VPS53: variants seen among roughly 807,000 people sequenced by gnomAD.
VPS53 encodes VPS53 subunit of GARP complex, also known as vacuolar protein sorting-associated protein 53 homolog.
In VPS53, 70 loss-of-function variants were observed where a neutral mutation model predicts 107.0. The observed-to-expected ratio is 0.65, with a 90% CI of 0.54 to 0.80. VPS53 has a LOEUF of 0.80. Among genes scored for constraint, VPS53 ranks in the 30% least tolerant of loss-of-function variants. The pLI is 0.00. For synonymous variants in VPS53, 409 were observed against 393.3 expected, an observed-to-expected ratio of 1.04 and a Z score of -0.47; for missense variants, 917 against 1,049.4, an observed-to-expected ratio of 0.87 and a Z score of 1.74.
At chr17:662,865 G>C (rs200373714) in intron 4 of VPS53, among the ~76,000 whole-genome samples, 165 of 82,720 alleles carry the variant, frequency 2.0e-3, no homozygotes, top group Middle Eastern at 0.016. Flanking sequence ...AAGGAAGGAA[G>C]GAAGGAACGA....
intron 4 of VPS53, among the ~76,000 whole-genome samples, chr17:694,015 G>C (rs1972862539): frequency 6.6e-6 from 1 of 152,114 alleles, no homozygotes; most frequent in East Asian, 1.9e-4. Flanking sequence ...AGCCAGCCAG[G>C]GCTGGAGAGC....
chr17:573,659 A>G (rs1438961999), intron 13 of VPS53, among the ~76,000 whole-genome samples: 1 of 152,152 alleles, frequency 6.6e-6, no homozygotes. Flanking sequence ...CCTCCTCGCC[A>G]CAAAGTCCAT....
chr17:701,544 A>ATT (rs1973202378), intron 2 of VPS53, among the ~76,000 whole-genome samples: 1 of 151,656 alleles, frequency 6.6e-6, no homozygotes, highest in African/African-American at 2.4e-5. Flanking sequence ...CGCCCAGCTA[A>ATT]TTTTTGTATT....
intron 17 of VPS53, among the ~76,000 whole-genome samples, chr17:549,434 C>T (rs1338786705): frequency 6.6e-6 from 1 of 152,002 alleles, no homozygotes; most frequent in African/African-American, 2.4e-5. Flanking sequence ...ACTCTGGAGG[C>T]ACGGTCTCTG....
At chr17:675,415 G>A (rs1161883406) in intron 4 of VPS53, 1 of 152,200 alleles carries the variant, frequency 6.6e-6, no homozygotes, top group Non-Finnish European at 1.5e-5. Flanking sequence ...AATTCGGTCT[G>A]AGATGGGGTA....
chr17:670,789 G>A (rs1971901699), intron 4 of VPS53, among the ~76,000 whole-genome samples: 1 of 152,168 alleles, frequency 6.6e-6, no homozygotes, highest in Non-Finnish European at 1.5e-5. Flanking sequence ...CCGAAGAGCT[G>A]GTATGGCTTT....
At chr17:617,775 CCGGG>C (rs1438725289) in intron 11 of VPS53, among the ~76,000 whole-genome samples, 30 of 146,912 alleles carry the variant, frequency 2.0e-4, no homozygotes, top group South Asian at 4.4e-4. Context: ...CTAATATTTC[CCGGG>C]TAGCTGGGAC....
At position 511,189 on chromosome 17, in the gene VPS53, A is replaced by T. The variant is rs1204217309; in HGVS notation, c.*7939T>A. On this transcript the variant is annotated 3_prime_UTR_variant, in exon 22 of 22. Transcript: ENST00000437048. ...TTGATTTTGTGAAGAACCCTGTGGA[A>T]TGTGGTCTCTGGCAGCTGAGAAGTG... The T allele has an allele frequency of 6.6e-6, 1 of 152,198 alleles. No homozygotes were observed. Among genetic ancestry groups the T allele is most frequent in the Non-Finnish European group, 1.5e-5 (1 of 68,028 alleles). 9.4% of individuals were successfully genotyped at this position (152,198 alleles called of 1,614,324 possible). A position where few individuals can be genotyped will look rare whatever the true frequency, so the allele number is the denominator to read the frequency against.
At chr17:661,326 C>A (rs1034731456) in intron 5 of VPS53, among the ~76,000 whole-genome samples, 2 of 151,808 alleles carry the variant, frequency 1.3e-5, no homozygotes, top group Non-Finnish European at 2.9e-5. Context: ...TTGAGACCAT[C>A]CTGGCCAACA....
intron 12 of VPS53, among the ~76,000 whole-genome samples, chr17:591,613 T>C (rs1016019308): frequency 6.6e-6 from 1 of 152,224 alleles, no homozygotes; most frequent in Non-Finnish European, 1.5e-5. Context: ...AACATCTTTA[T>C]TTCTGCCTTC....
intron 4 of VPS53, among the ~76,000 whole-genome samples, chr17:673,355 G>A (rs1972040464): frequency 6.6e-6 from 1 of 152,154 alleles, no homozygotes; most frequent in African/African-American, 2.4e-5. Context: ...CTATGGAAAC[G>A]AGGTATCCCC....
In VPS53 at chr17:519,907, C is replaced by A. The variant is rs374460563; in HGVS notation, c.2247G>T (p.Pro749=). The change falls in exon 21 of 22, where the codon CCG becomes CCT. Residue 749 remains proline, a synonymous_variant. Coordinates refer to ENST00000437048, the MANE Select transcript of VPS53 (RefSeq NM_001128159.3). The surrounding 1 kb of genome is among the most constrained non-coding windows in gnomAD (Gnocchi z 5.0). The part of the protein sequence containing the change: ...ILKVVMAPHE[P]LVVFVDNYIK... ...TGTAGTTGTCAACAAACACCACCAA[C>A]GGTTCATGAGGGGCCATCACTACCT... 6.4e-7 allele frequency: 1 copy of A among 1,551,604 alleles called. No individual in the cohort carries two copies. The highest frequency in any genetic ancestry group is 8.7e-7 in the Non-Finnish European group (1 of 1,146,944).
intron 19 of VPS53, chr17:522,870 AT>A (rs1908857215): frequency 6.6e-6 from 1 of 152,162 alleles, no homozygotes; most frequent in Non-Finnish European, 1.5e-5. Flanking sequence ...CCTGGATGTT[AT>A]TTATTGTTCC....
Position 653,408 on chromosome 17 carries a change from G to T in VPS53, c.491C>A (p.Ala164Asp). Residue 164 changes from alanine (A) to aspartate (D), a missense_variant and splice_region_variant, in exon 7 of 22, where the codon GCC (alanine) becomes GAC (aspartate). Ala to Asp is a moderately radical substitution (Grantham distance 126). Transcript: ENST00000437048. Reference sequence around the variant, plus strand: ...TCCGTATTGTCTTCGCCTGGTCATGGCTCTGCAAGGAAAGAATAAGTTTAA... The same window carrying T: ...TCCGTATTGTCTTCGCCTGGTCATGTCTCTGCAAGGAAAGAATAAGTTTAA... Reference protein sequence around the residue: ...MLAGGVDSLEAMTRRRQYGEV... With the variant: ...MLAGGVDSLEDMTRRRQYGEV... 6.2e-7 allele frequency: 1 copy of T among 1,614,048 alleles called. No individual in the cohort carries two copies. The highest frequency in any genetic ancestry group is 8.5e-7 in the Non-Finnish European group (1 of 1,180,040).
intron 19 of VPS53, chr17:522,877 G>A (rs867523573): frequency 2.0e-5 from 3 of 152,160 alleles, no homozygotes; most frequent in South Asian, 4.1e-4. Context: ...GTTATTTATT[G>A]TTCCCATTTT....
chr17:574,014 G>A (rs142008421), intron 13 of VPS53, among the ~76,000 whole-genome samples: 76 of 152,250 alleles, frequency 5.0e-4, no homozygotes, highest in African/African-American at 1.6e-3. Flanking sequence ...CAAGAGCGTC[G>A]ATGCTTTCCA....
chr17:677,303 G>A (rs365118), intron 4 of VPS53, among the ~76,000 whole-genome samples: 52,798 of 152,052 alleles, frequency 0.35, 11,012 homozygotes, highest in South Asian at 0.47. Flanking sequence ...ATGCTACAAC[G>A]TGGATGAATC....
rs72477030 is a variant in VPS53 at position 561,034 on chromosome 17, G to A, written c.1557-461C>T. Among the ~76,000 whole-genome samples the A allele has an allele frequency of 2.0e-3, 311 of 152,330 alleles. 10 individuals carry two copies. The East Asian group carries it at 0.053, about 26-fold the overall frequency. On this transcript the variant is annotated intron_variant, in intron 14 of 21. Coordinates refer to ENST00000437048, the MANE Select transcript of VPS53 (RefSeq NM_001128159.3). ...TCTGCACTGGAACTCATGTGTGTTT[G>A]TGGAGGAGGACATAAGTGAATGTTA...
At position 606,729 on chromosome 17, in the gene VPS53, G is replaced by A. The variant is rs547210820; in HGVS notation, c.1117-4833C>T. ...ACTGCCTGGGCTCCGCCTCCTGTCAGGTCTCATAGGCAAACCCTGTTGTGA... is the reference window on the plus strand; with the variant it reads ...ACTGCCTGGGCTCCGCCTCCTGTCAAGTCTCATAGGCAAACCCTGTTGTGA... On this transcript the variant is annotated intron_variant, in intron 11 of 21. Coordinates refer to ENST00000437048, the MANE Select transcript of VPS53 (RefSeq NM_001128159.3). Among the ~76,000 whole-genome samples the A allele has an allele frequency of 3.3e-5, 5 of 152,294 alleles. No homozygotes were observed. The South Asian group carries it at 1.0e-3, about 32-fold the overall frequency.
Sources: allele counts gnomAD v4.1 joint callset (sites outside exome capture counted in the v4.1 genomes callset), GRCh38; gene constraint gnomAD v4.1.1; non-coding constraint Gnocchi (gnomAD v3.1); transcripts MANE v1.5; gene names NCBI Gene and HGNC (gene_info 2026-07-23, HGNC 2026-07-21).